RBM6: variants seen among roughly 807,000 people sequenced by gnomAD.
RBM6 encodes the protein RNA binding motif protein 6.
RBM6 carries 23 observed loss-of-function variants against 140.4 expected under a neutral mutation model. The observed-to-expected ratio is 0.16, with a 90% CI of 0.12 to 0.23. RBM6 has a LOEUF of 0.23. Among genes scored for constraint, RBM6 ranks in the 10% least tolerant of loss-of-function variants. RBM6 has a pLI of 1.00. For synonymous variants in RBM6, 439 were observed against 475.6 expected, an observed-to-expected ratio of 0.92 and a Z score of 1.00; for missense variants, 1,139 against 1,386.7, an observed-to-expected ratio of 0.82 and a Z score of 2.84.
At position 49,999,380 on chromosome 3, in the gene RBM6, G is replaced by A. The variant is rs368957430; in HGVS notation, c.1484-60G>A. The A allele has an allele frequency of 1.8e-5, 25 of 1,410,818 alleles. No homozygotes were observed. In the African/African-American group the frequency reaches 2.8e-4, roughly 16 times the overall value. 87.4% of individuals were successfully genotyped at this position (1,410,818 alleles called of 1,614,324 possible). A position where few individuals can be genotyped will look rare whatever the true frequency, so the allele number is the denominator to read the frequency against. Reference sequence around the variant, plus strand: ...GTTCAGAAACAGGGGATTTAAGTGTGTCTTTTGTGTTTGCAAGGCACTAAC... The same window carrying A: ...GTTCAGAAACAGGGGATTTAAGTGTATCTTTTGTGTTTGCAAGGCACTAAC... On this transcript the variant is annotated intron_variant, in intron 5 of 20. Coordinates refer to ENST00000266022, the MANE Select transcript of RBM6 (RefSeq NM_005777.3).
In RBM6 at chr3:49,967,118, C is replaced by T. The variant is rs1346459855; in HGVS notation, c.45-352C>T. Reference sequence around the variant, plus strand: ...TGTTGACCTTGGAATTCTTAAGTTCCCTGGCTGTAGGAAATGGAAATTTTT... The same window carrying T: ...TGTTGACCTTGGAATTCTTAAGTTCTCTGGCTGTAGGAAATGGAAATTTTT... On this transcript the variant is annotated intron_variant, in intron 2 of 20. Transcript: ENST00000266022. This position sits in a 1 kb window ranked among gnomAD's most constrained non-coding sequence, Gnocchi z 4.0. The T allele has an allele frequency of 1.4e-5, 9 of 634,170 alleles. No homozygotes were observed. The highest frequency in any genetic ancestry group is 1.8e-5 in the Non-Finnish European group (9 of 494,836). 39.3% of individuals were successfully genotyped at this position (634,170 alleles called of 1,614,324 possible).
Position 50,051,983 on chromosome 3 carries a change from C to T in RBM6, c.1633-2352C>T, listed in dbSNP as rs551806371. Among the ~76,000 whole-genome samples, 3 of 152,288 alleles carry T rather than the reference C, an allele frequency of 2.0e-5. No homozygotes were observed. The East Asian group carries it at 5.8e-4, about 29-fold the overall frequency. On this transcript the variant is annotated intron_variant, in intron 7 of 20. Coordinates refer to ENST00000266022, the MANE Select transcript of RBM6 (RefSeq NM_005777.3). Reference sequence around the variant, plus strand: ...TTCTTTTGGGGTGATGAAAATGTTTCAGAATTAGATTATGGTGATGGTTGC... The same window carrying T: ...TTCTTTTGGGGTGATGAAAATGTTTTAGAATTAGATTATGGTGATGGTTGC...
chr3:49,968,813 C>T (rs2084639387), intron 3 of RBM6, 65 bp downstream of exon 3: 2 of 1,436,564 alleles, frequency 1.4e-6, no homozygotes, highest in Non-Finnish European at 1.8e-6. Context: ...CGGAGTCTCG[C>T]TCTGTTGCCC....
intron 5 of RBM6, among the ~76,000 whole-genome samples, chr3:49,993,318 A>G (rs1251863966): frequency 1.3e-5 from 2 of 152,220 alleles, no homozygotes; most frequent in African/African-American, 4.8e-5. Context: ...GTTGGCACAG[A>G]TACAGAATAA....
Position 49,982,262 on chromosome 3 carries a change from C to CTTTTTTTTTTTTTTTTT in RBM6, c.1483+6882_1483+6898dup, listed in dbSNP as rs751604271. ...GTACCTTCTGCATTTCTTTTCTTTT[C>CTTTTTTTTTTTTTTTTT]TTTTTTTTTTTTTTTTTTTTTTTTT... On this transcript the variant is annotated intron_variant, in intron 5 of 20. Coordinates refer to ENST00000266022, the MANE Select transcript of RBM6 (RefSeq NM_005777.3). 8.8e-5 allele frequency among the ~76,000 whole-genome samples: 6 copies of CTTTTTTTTTTTTTTTTT among 68,394 alleles called. 1 individual carries two copies. Among genetic ancestry groups the CTTTTTTTTTTTTTTTTT allele is most frequent in the African/African-American group, 2.4e-4 (4 of 16,764 alleles). The allele number at this position is 68,394 out of a possible 152,430, so 44.9% of individuals were successfully genotyped here.
intron 1 of RBM6, among the ~76,000 whole-genome samples, chr3:49,951,205 T>C (rs1439776192): frequency 2.6e-5 from 4 of 152,158 alleles, no homozygotes; most frequent in African/African-American, 4.8e-5. Context: ...CAGCAGTTAC[T>C]ATTTCTTTTT....
At chr3:49,941,904 G>A (rs1326712484) in intron 1 of RBM6, among the ~76,000 whole-genome samples, 1 of 149,030 alleles carries the variant, frequency 6.7e-6, no homozygotes, top group African/African-American at 2.5e-5. Flanking sequence ...GTGAGCCTGG[G>A]CAACATCGCA....
intron 6 of RBM6, among the ~76,000 whole-genome samples, chr3:50,011,764 A>T (rs2086860962): frequency 6.6e-6 from 1 of 152,044 alleles, no homozygotes; most frequent in Non-Finnish European, 1.5e-5. Flanking sequence ...TGTACAATTC[A>T]ATGATTTTTT....
chr3:50,053,428 G>A (rs951671483), intron 7 of RBM6, among the ~76,000 whole-genome samples: 3 of 152,114 alleles, frequency 2.0e-5, no homozygotes, highest in African/African-American at 7.2e-5. Context: ...CTACTCGGGA[G>A]GCTGAGGCAG....
chr3:49,975,463 C>A, intron 5 of RBM6, 71 bp downstream of exon 5: 1 of 1,304,890 alleles, frequency 7.7e-7, no homozygotes, highest in Non-Finnish European at 1.1e-6. Flanking sequence ...TCATGTGCTA[C>A]TTAAAATTTG....
intron 5 of RBM6, among the ~76,000 whole-genome samples, chr3:49,994,239 GT>G (rs536690579): frequency 6.6e-6 from 1 of 150,600 alleles, no homozygotes; most frequent in African/African-American, 2.4e-5. Flanking sequence ...AATTTTTTCT[GT>G]TTTTTTTTGT....
chr3:49,957,000 A>G (rs985799037), intron 1 of RBM6, among the ~76,000 whole-genome samples: 1 of 151,992 alleles, frequency 6.6e-6, no homozygotes, highest in Non-Finnish European at 1.5e-5. Flanking sequence ...TTTCTTTTTA[A>G]GAGGGAGGGT....
At chr3:49,941,438 C>T (rs111590526) in intron 1 of RBM6, among the ~76,000 whole-genome samples, 5 of 151,744 alleles carry the variant, frequency 3.3e-5, no homozygotes, top group South Asian at 4.2e-4. Flanking sequence ...GTGGGGAGTT[C>T]GAGACCAGCC....
chr3:49,959,568 AG>A (rs1203030582), intron 1 of RBM6, among the ~76,000 whole-genome samples: 3 of 120,090 alleles, frequency 2.5e-5, no homozygotes, highest in African/African-American at 9.6e-5. Flanking sequence ...ATTTATATTT[AG>A]GGTTTTTTTT....
intron 5 of RBM6, among the ~76,000 whole-genome samples, chr3:49,990,419 A>T (rs1459280076): frequency 6.6e-6 from 1 of 152,236 alleles, no homozygotes; most frequent in Non-Finnish European, 1.5e-5. Flanking sequence ...TCACTGGGTG[A>T]TAGGAATTTT....
At chr3:49,994,299 G>A (rs982992938) in intron 5 of RBM6, among the ~76,000 whole-genome samples, 10 of 152,046 alleles carry the variant, frequency 6.6e-5, no homozygotes, top group African/African-American at 2.4e-4. Context: ...CTGAGCTCAA[G>A]TAATCCTCCT....
chr3:50,057,670 C>CT (rs139056065), intron 8 of RBM6, 58 bp from the exon 9 acceptor site: 66,563 of 1,211,358 alleles, frequency 0.055, 137 homozygotes, highest in East Asian at 0.16. Flanking sequence ...AGTGTTTTTT[C>CT]TTTTTTTTTT....
intron 1 of RBM6, among the ~76,000 whole-genome samples, chr3:49,954,394 T>C (rs1450952811): frequency 1.3e-5 from 2 of 149,508 alleles, no homozygotes; most frequent in African/African-American, 4.9e-5. Context: ...GAGCCGAGAT[T>C]GCACCATTGC....
At chr3:49,945,415 C>T (rs905794855) in intron 1 of RBM6, among the ~76,000 whole-genome samples, 2 of 151,948 alleles carry the variant, frequency 1.3e-5, no homozygotes, top group African/African-American at 4.8e-5. Flanking sequence ...TTTTGAGGAA[C>T]TGCCTTACTG....
Sources: allele counts gnomAD v4.1 joint callset (sites outside exome capture counted in the v4.1 genomes callset), GRCh38; gene constraint gnomAD v4.1.1; non-coding constraint Gnocchi (gnomAD v3.1); transcripts MANE v1.5; gene names NCBI Gene and HGNC (gene_info 2026-07-23, HGNC 2026-07-21).